The following GOLGA6L9 variants were observed in gnomAD, a reference collection of about 807,000 sequenced individuals.
GOLGA6L9 encodes golgin subfamily A member 6-like protein 9.
In GOLGA6L9, 19 loss-of-function variants were observed where a neutral mutation model predicts 51.3. That is an observed-to-expected ratio of 0.37 (90% CI 0.26 to 0.54). The LOEUF is 0.54. GOLGA6L9 is among the 20% of genes least tolerant of loss of function. GOLGA6L9 has a pLI of 0.83. For synonymous variants in GOLGA6L9, 97 were observed against 184.2 expected (o/e 0.53, Z 3.83); for missense variants, 247 against 464.1 (o/e 0.53, Z 4.30).
chr15:82,435,022 C>G, intron 7 of GOLGA6L9, 93 bp downstream of exon 7: 1 of 828,372 alleles, frequency 1.2e-6, no homozygotes, highest in East Asian at 3.8e-5. Flanking sequence ...AGGCCACAGG[C>G]AGCTGCAGCC....
chr15:82,427,365 C>A (rs1460552385), upstream of GOLGA6L9, among the ~76,000 whole-genome samples: 1 of 148,248 alleles, frequency 6.7e-6, no homozygotes. Context: ...TTCCCTCTCT[C>A]TCTTTCTTCC....
At position 82,438,391 on chromosome 15, in the gene GOLGA6L9, T is replaced by C. The variant is rs1311049042; in HGVS notation, c.*1980T>C. The C allele has an allele frequency of 6.6e-6, 1 of 151,516 alleles. No homozygotes were observed. Among genetic ancestry groups the C allele is most frequent in the Non-Finnish European group, 1.5e-5 (1 of 67,820 alleles). 9.4% of individuals were successfully genotyped at this position (151,516 alleles called of 1,614,324 possible). On this transcript the variant is annotated 3_prime_UTR_variant, in exon 9 of 9. Coordinates refer to ENST00000618348, the MANE Select transcript of GOLGA6L9 (RefSeq NM_198181.4). ...CACTCTCTGTGTAGGTATTTTGTCA[T>C]ATGTTTAAGAAAAAGCTAAAGAGAA...
rs1381097606 is a variant in GOLGA6L9 at position 82,432,575 on chromosome 15, G to A, written c.208G>A (p.Ala70Thr). Residue 70 changes from alanine to threonine, a missense_variant, in exon 3 of 9, where the codon GCA (alanine) becomes ACA (threonine). Physicochemically the swap from Ala to Thr is moderately conservative, Grantham distance 58 (BLOSUM62 0). Transcript: ENST00000618348. Reference protein sequence around the residue: ...SGGYHSPGDSATGIYGEGRAS... With the variant: ...SGGYHSPGDSTTGIYGEGRAS... ...TGTGCACTCTCATCTCTTGGAGTCA[G>A]CAACAGGTATCTACGGGGAGGGCCG... 1.2e-6 allele frequency: 2 copies of A among 1,603,210 alleles called. No individual in the cohort carries two copies. Among genetic ancestry groups the A allele is most frequent in the African/African-American group, 1.3e-5 (1 of 74,782 alleles).
intron 2 of GOLGA6L9, 26 bp from the exon 3 acceptor site, chr15:82,432,546 T>C: frequency 6.2e-7 from 1 of 1,600,052 alleles, no homozygotes; most frequent in Non-Finnish European, 8.5e-7. Context: ...ACAGAACATC[T>C]CCATGTGCAC....
At chr15:82,427,282 T>G (rs1351421527), upstream of GOLGA6L9, among the ~76,000 whole-genome samples, 1 of 141,940 alleles carries the variant, frequency 7.0e-6, no homozygotes, top group Non-Finnish European at 1.5e-5. Flanking sequence ...ATTCTTACTT[T>G]CTTTTCTTTT....
chr15:82,430,229 C>A, intron 1 of GOLGA6L9, 66 bp downstream of exon 1: 1 of 494,844 alleles, frequency 2.0e-6, no homozygotes, highest in South Asian at 2.0e-5. Flanking sequence ...AGACCGGTGC[C>A]AGAGTCCATA....
the GOLGA6L9 span, among the ~76,000 whole-genome samples, chr15:82,416,337 T>G: frequency 6.6e-6 from 1 of 152,122 alleles, no homozygotes; most frequent in Admixed American, 6.5e-5. Context: ...TTTTTTCAGG[T>G]AAGTAAACTA....
At chr15:82,420,769 G>A in the GOLGA6L9 span, among the ~76,000 whole-genome samples, 100 of 152,168 alleles carry the variant, frequency 6.6e-4, 1 homozygote, top group Middle Eastern at 0.01. Flanking sequence ...GGCTGTAACC[G>A]TAATTCCAGG....
At chr15:82,424,318 C>T in the GOLGA6L9 span, among the ~76,000 whole-genome samples, 4 of 151,920 alleles carry the variant, frequency 2.6e-5, no homozygotes, top group African/African-American at 9.7e-5. Context: ...GTGATCCGCC[C>T]ACCTTGGCCT....
Position 82,434,362 on chromosome 15 carries a change from G to T in GOLGA6L9, c.762G>T (p.Lys254Asn). The T allele has an allele frequency of 6.6e-7, 1 of 1,520,540 alleles. No individual in the cohort carries two copies. Among genetic ancestry groups the T allele is most frequent in the Non-Finnish European group, 8.8e-7 (1 of 1,133,764 alleles). The allele number at this position is 1,520,540 out of a possible 1,614,324, so 94.2% of individuals were successfully genotyped here. A position where few individuals can be genotyped will look rare whatever the true frequency, so the allele number is the denominator to read the frequency against. Residue 254 changes from lysine (K) to asparagine (N), a missense_variant, in exon 6 of 9, where the codon AAG becomes AAT. Physicochemically the swap from Lys to Asn is moderately conservative, Grantham distance 94. Coordinates refer to ENST00000618348, the MANE Select transcript of GOLGA6L9 (RefSeq NM_198181.4). ...GQERLLEEVE[K>N]LLEQERRQEE... Reference sequence around the variant, plus strand: ...AGAGGCTGCTGGAAGAGGTGGAGAAGCTGTTAGAACAGGAGAGGCGGCAGG... The same window carrying T: ...AGAGGCTGCTGGAAGAGGTGGAGAATCTGTTAGAACAGGAGAGGCGGCAGG...
At chr15:82,427,449 G>A (rs2031234127), upstream of GOLGA6L9, among the ~76,000 whole-genome samples, 1 of 149,930 alleles carries the variant, frequency 6.7e-6, no homozygotes, top group Non-Finnish European at 1.5e-5. Context: ...CACTAGCCAA[G>A]CTCCAAAGTC....
In GOLGA6L9 at chr15:82,438,768, T is replaced by C. The variant is rs2031819923; in HGVS notation, c.*2357T>C. 8.4e-6 allele frequency: 1 copy of C among 119,284 alleles called. No homozygotes were observed. The highest frequency in any genetic ancestry group is 1.7e-5 in the Non-Finnish European group (1 of 58,638). 7.4% of individuals were successfully genotyped at this position (119,284 alleles called of 1,614,324 possible). A position where few individuals can be genotyped will look rare whatever the true frequency, so the allele number is the denominator to read the frequency against. On this transcript the variant is annotated 3_prime_UTR_variant, in exon 9 of 9. Coordinates refer to ENST00000618348, the MANE Select transcript of GOLGA6L9 (RefSeq NM_198181.4). Reference sequence around the variant, plus strand: ...CAGTTCTAAAACCAAAGCTGATTTTTAGAAAATGTGAAAATGTAAATCAAC... The same window carrying C: ...CAGTTCTAAAACCAAAGCTGATTTTCAGAAAATGTGAAAATGTAAATCAAC...
chr15:82,415,931 G>A, the GOLGA6L9 span: 1 of 152,342 alleles, frequency 6.6e-6, no homozygotes, highest in Admixed American at 6.5e-5. Flanking sequence ...GGAGGCAGAG[G>A]TTGCAGTGAG....
chr15:82,419,150 T>A, the GOLGA6L9 span: 11 of 186,826 alleles, frequency 5.9e-5, no homozygotes, highest in Non-Finnish European at 1.1e-5. Flanking sequence ...ACATGGAAAT[T>A]GTTTAAGCAG....
chr15:82,420,624 A>G, the GOLGA6L9 span, among the ~76,000 whole-genome samples: 27,247 of 151,758 alleles, frequency 0.18, 4,024 homozygotes, highest in African/African-American at 0.4. Flanking sequence ...AACTTGTCCA[A>G]AGTCACAGGT....
In GOLGA6L9 at chr15:82,430,246, C is replaced by T. The variant is rs1383546444; in HGVS notation, c.84+83C>T. ...ACCGGTGCCAGAGTCCATACCACTCCTGAGGCATACCAGATGGGGCCCCCC... is the reference window on the plus strand; with the variant it reads ...ACCGGTGCCAGAGTCCATACCACTCTTGAGGCATACCAGATGGGGCCCCCC... On this transcript the variant is annotated intron_variant, in intron 1 of 8. Coordinates refer to ENST00000618348, the MANE Select transcript of GOLGA6L9 (RefSeq NM_198181.4). 1.6e-4 allele frequency: 70 copies of T among 442,632 alleles called. 1 individual carries two copies. Among genetic ancestry groups the T allele is most frequent in the East Asian group, 1.4e-3 (37 of 27,106 alleles). 27.4% of individuals were successfully genotyped at this position (442,632 alleles called of 1,614,324 possible). A position where few individuals can be genotyped will look rare whatever the true frequency, so the allele number is the denominator to read the frequency against.
At chr15:82,420,514 T>A in the GOLGA6L9 span, among the ~76,000 whole-genome samples, 1 of 152,220 alleles carries the variant, frequency 6.6e-6, no homozygotes, top group Non-Finnish European at 1.5e-5. Context: ...CAAGTCTTTT[T>A]ATTTTTTACT....
chr15:82,417,032 C>T, the GOLGA6L9 span, among the ~76,000 whole-genome samples: 9 of 152,262 alleles, frequency 5.9e-5, no homozygotes, highest in East Asian at 5.8e-4. Context: ...TTGATCCTGG[C>T]GACCTCTGAT....
chr15:82,429,978 C>T lies in GOLGA6L9; in HGVS notation c.-102C>T. 1.0e-6 allele frequency: 1 copy of T among 985,442 alleles called. No homozygotes were observed. The allele number at this position is 985,442 out of a possible 1,614,324, so 61.0% of individuals were successfully genotyped here. ...GGAACATTAAGGCCACGCCCCTATTCTGCGTTCCATTGGTGCCCTGGTTAC... is the reference window on the plus strand; with the variant it reads ...GGAACATTAAGGCCACGCCCCTATTTTGCGTTCCATTGGTGCCCTGGTTAC... On this transcript the variant is annotated 5_prime_UTR_variant, in exon 1 of 9. Coordinates refer to ENST00000618348, the MANE Select transcript of GOLGA6L9 (RefSeq NM_198181.4).
Sources: allele counts gnomAD v4.1 joint callset (sites outside exome capture counted in the v4.1 genomes callset), GRCh38; gene constraint gnomAD v4.1.1; transcripts MANE v1.5; gene names NCBI Gene and HGNC (gene_info 2026-07-23, HGNC 2026-07-21).